LSAMP: variants seen among roughly 807,000 people sequenced by gnomAD.
LSAMP encodes limbic system-associated membrane protein.
A neutral mutation model predicts 38.6 loss-of-function variants in LSAMP; 7 were observed. The observed-to-expected ratio is 0.18, with a 90% CI of 0.10 to 0.34. LSAMP has a LOEUF of 0.34. LSAMP is among the 10% of genes least tolerant of loss of function. The probability of loss-of-function intolerance (pLI) is 1.00; values close to 1 mark genes in which losing one functional copy is unlikely to be tolerated. For synonymous variants in LSAMP, 154 were observed against 166.8 expected, an observed-to-expected ratio of 0.92 and a Z score of 0.59; for missense variants, 313 against 420.0, an observed-to-expected ratio of 0.75 and a Z score of 2.23.
At chr3:116,281,235 G>A (rs879269687) in intron 1 of LSAMP, among the ~76,000 whole-genome samples, 9 of 152,190 alleles carry the variant, frequency 5.9e-5, no homozygotes, top group African/African-American at 1.4e-4. Context: ...TATGGATGCC[G>A]AGGAATAGAG....
intron 3 of LSAMP, among the ~76,000 whole-genome samples, chr3:115,915,441 A>C (rs1342334691): frequency 1.3e-5 from 2 of 152,136 alleles, no homozygotes; most frequent in African/African-American, 4.8e-5. Flanking sequence ...TTTTTTATAG[A>C]TGGGAAAAAG....
chr3:116,101,525 C>T (rs913834364), intron 1 of LSAMP, among the ~76,000 whole-genome samples: 4 of 152,148 alleles, frequency 2.6e-5, no homozygotes, highest in Non-Finnish European at 5.9e-5. Flanking sequence ...TATACATCAT[C>T]TCAAACATTT....
At chr3:115,956,682 G>A (rs1183378991) in intron 3 of LSAMP, among the ~76,000 whole-genome samples, 1 of 152,024 alleles carries the variant, frequency 6.6e-6, no homozygotes, top group African/African-American at 2.4e-5. Flanking sequence ...AATCCAAAAG[G>A]CAACAAAGGA....
In LSAMP at chr3:115,810,223, C is replaced by G; in HGVS notation, c.*94G>C. The G allele has an allele frequency of 3.3e-6, 1 of 298,794 alleles. No homozygotes were observed. Among genetic ancestry groups the G allele is most frequent in the Non-Finnish European group, 5.6e-6 (1 of 177,276 alleles). The allele number at this position is 298,794 out of a possible 1,614,324, so 18.5% of individuals were successfully genotyped here. On this transcript the variant is annotated 3_prime_UTR_variant, in exon 7 of 7. Transcript: ENST00000490035. ...TTGTGAAATAAACGGTCTCCCCCAT[C>G]TCTCTCTCTCTCTCTCTCTCTGTCT... is the stretch of plus-strand genomic sequence containing the variant.
At chr3:115,842,108 T>G (rs990022403) in intron 5 of LSAMP, 115 bp from the exon 6 acceptor site, 1 of 1,044,220 alleles carries the variant, frequency 9.6e-7, no homozygotes, top group African/African-American at 1.6e-5. Context: ...AGCTAGAGTT[T>G]GTTGTTCCAT....
intron 3 of LSAMP, among the ~76,000 whole-genome samples, chr3:115,942,797 G>A (rs1307863796): frequency 3.9e-5 from 6 of 152,100 alleles, no homozygotes; most frequent in African/African-American, 1.4e-4. Context: ...ACCACATTTG[G>A]GAAGCTGGAT....
chr3:115,834,062 C>T (rs949919182), intron 6 of LSAMP, among the ~76,000 whole-genome samples: 6 of 151,958 alleles, frequency 3.9e-5, no homozygotes. Context: ...CATGAATTGG[C>T]CAAGATTTTA....
Position 116,444,996 on chromosome 3 carries a change from C to T in LSAMP, c.36G>A (p.Leu12=). 2 of 1,614,010 alleles carry T rather than the reference C, an allele frequency of 1.2e-6. No homozygotes were observed. The highest frequency in any genetic ancestry group is 1.1e-5 in the South Asian group (1 of 91,068). The change falls in exon 1 of 7, where the codon TTG becomes TTA. Residue 12 remains leucine (L), a synonymous_variant. Coordinates refer to ENST00000490035, the MANE Select transcript of LSAMP (RefSeq NM_002338.5). ...AGAGCAATCTCAGTAGGACCAGTGG[C>T]AACTGTTTCCGATCCGGCTGAACTC... ...VRRVQPDRKQ[L]PLVLLRLLCL... is the part of the protein sequence containing the mutation.
rs115784421 is a variant in LSAMP, at chr3:116,435,356, G to A, written c.155+9521C>T. Reference sequence around the variant, plus strand: ...CTCTGTTCCTTTCCTGAACTCCTGGGGCTTGTAACTGAGTCTTCACCATCA... The same window carrying A: ...CTCTGTTCCTTTCCTGAACTCCTGGAGCTTGTAACTGAGTCTTCACCATCA... On this transcript the variant is annotated intron_variant, in intron 1 of 6. Coordinates refer to ENST00000490035, the MANE Select transcript of LSAMP (RefSeq NM_002338.5). 6.3e-3 allele frequency among the ~76,000 whole-genome samples: 965 copies of A among 152,182 alleles called. 11 individuals carry two copies. Among genetic ancestry groups the A allele is most frequent in the African/African-American group, 0.021 (873 of 41,498 alleles).
intron 1 of LSAMP, among the ~76,000 whole-genome samples, chr3:116,268,959 C>T (rs970611081): frequency 9.2e-5 from 14 of 151,894 alleles, no homozygotes; most frequent in South Asian, 2.1e-4. Context: ...GGCCCAGGTG[C>T]CACACTGACC....
At chr3:116,092,653 C>G (rs547156895) in intron 1 of LSAMP, among the ~76,000 whole-genome samples, 1 of 152,298 alleles carries the variant, frequency 6.6e-6, no homozygotes, top group East Asian at 1.9e-4. Context: ...TCTTCAAACA[C>G]TTTACATCAA....
chr3:116,068,801 T>C (rs1707524632), intron 2 of LSAMP, among the ~76,000 whole-genome samples: 1 of 152,238 alleles, frequency 6.6e-6, no homozygotes, highest in Non-Finnish European at 1.5e-5. Context: ...TGTGAAGTTC[T>C]GTGTGGTTTC....
chr3:115,904,773 C>G (rs1413089766), intron 3 of LSAMP, among the ~76,000 whole-genome samples: 1 of 152,142 alleles, frequency 6.6e-6, no homozygotes, highest in African/African-American at 2.4e-5. Flanking sequence ...GCCTACCTTT[C>G]CAACCTCGTA....
intron 3 of LSAMP, among the ~76,000 whole-genome samples, chr3:115,875,981 C>A (rs2107412795): frequency 6.6e-6 from 1 of 152,176 alleles, no homozygotes; most frequent in African/African-American, 2.4e-5. Context: ...CTAACTTCCA[C>A]AAACAGGTAA....
chr3:116,434,557 G>T (rs1403236027), intron 1 of LSAMP, among the ~76,000 whole-genome samples: 1 of 152,096 alleles, frequency 6.6e-6, no homozygotes, highest in African/African-American at 2.4e-5. Flanking sequence ...ATGTTTGGTG[G>T]AGTGAGGGGT....
At chr3:116,283,582 A>G (rs1046753842) in intron 1 of LSAMP, among the ~76,000 whole-genome samples, 40 of 152,180 alleles carry the variant, frequency 2.6e-4, no homozygotes, top group Non-Finnish European at 4.7e-4. Flanking sequence ...ATTATCTAAG[A>G]CAGACCAGAA....
At chr3:115,916,763 A>C (rs1016330854) in intron 3 of LSAMP, among the ~76,000 whole-genome samples, 1 of 152,238 alleles carries the variant, frequency 6.6e-6, no homozygotes, top group Non-Finnish European at 1.5e-5. Flanking sequence ...TGGGAAAATT[A>C]AAGCTGTGAG....
chr3:116,215,845 T>C (rs2046212849), intron 1 of LSAMP, among the ~76,000 whole-genome samples: 1 of 152,194 alleles, frequency 6.6e-6, no homozygotes, highest in African/African-American at 2.4e-5. Context: ...AAATTGGCAG[T>C]GAATAACATG....
At chr3:116,210,166 A>T (rs921904712) in intron 1 of LSAMP, among the ~76,000 whole-genome samples, 3 of 152,082 alleles carry the variant, frequency 2.0e-5, no homozygotes, top group African/African-American at 7.2e-5. Context: ...GATGATGGTG[A>T]TAATGATGAT....
Sources: allele counts gnomAD v4.1 joint callset (sites outside exome capture counted in the v4.1 genomes callset), GRCh38; gene constraint gnomAD v4.1.1; transcripts MANE v1.5; gene names NCBI Gene and HGNC (gene_info 2026-07-23, HGNC 2026-07-21).